RPS6KA2: variants seen among roughly 807,000 people sequenced by gnomAD.
The protein encoded by RPS6KA2 is ribosomal protein S6 kinase alpha-2.
In RPS6KA2, 42 loss-of-function variants were observed where a neutral mutation model predicts 91.8. The ratio of observed to expected loss-of-function variants is 0.46; its 90% CI spans 0.36 to 0.59. The LOEUF (loss-of-function observed/expected upper bound fraction) is 0.59, where lower values mean the gene tolerates loss of function less well. Among genes scored for constraint, RPS6KA2 ranks in the 20% least tolerant of loss-of-function variants. The pLI, the probability that RPS6KA2 is intolerant of heterozygous loss-of-function variation, is 0.00. For missense variants in RPS6KA2, 798 were observed against 978.5 expected, an observed-to-expected ratio of 0.82 and a Z score of 2.46; for synonymous variants, 414 against 393.6, an observed-to-expected ratio of 1.05 and a Z score of -0.61.
intron 2 of RPS6KA2, among the ~76,000 whole-genome samples, chr6:166,682,687 G>T (rs569181967): frequency 1.2e-4 from 18 of 152,310 alleles, no homozygotes; most frequent in Non-Finnish European, 2.1e-4. Flanking sequence ...AGAAAGCAAG[G>T]ATTGCTTCAT....
intron 2 of RPS6KA2, among the ~76,000 whole-genome samples, chr6:166,736,085 C>T (rs1226032157): frequency 6.6e-6 from 1 of 152,186 alleles, no homozygotes; most frequent in East Asian, 1.9e-4. Context: ...TATTTATCAC[C>T]TAAGTAAGGC....
At chr6:166,599,525 A>T (rs145028785) in intron 1 of RPS6KA2, among the ~76,000 whole-genome samples, 1 of 152,326 alleles carries the variant, frequency 6.6e-6, no homozygotes, top group Non-Finnish European at 1.5e-5. Context: ...GGCTAGCTCC[A>T]TTCAGCCTTC....
chr6:166,570,935 C>A (rs1403716706), intron 1 of RPS6KA2, among the ~76,000 whole-genome samples: 5 of 152,102 alleles, frequency 3.3e-5, no homozygotes, highest in South Asian at 4.2e-4. Context: ...TTTTAAGAGG[C>A]CTTTTTAGGA....
At chr6:166,478,201 C>G (rs1480538304) in intron 10 of RPS6KA2, among the ~76,000 whole-genome samples, 1 of 152,186 alleles carries the variant, frequency 6.6e-6, no homozygotes, top group African/African-American at 2.4e-5. Context: ...GGTCGCGGTG[C>G]CTGCCACCTG....
intron 11 of RPS6KA2, 36 bp downstream of exon 11, chr6:166,469,805 C>A: frequency 6.4e-7 from 1 of 1,572,020 alleles, no homozygotes; most frequent in Non-Finnish European, 8.8e-7. Context: ...TTCTGTGTCA[C>A]GCGTGTGCAG....
chr6:166,812,823 G>A (rs1385413892), intron 2 of RPS6KA2, among the ~76,000 whole-genome samples: 2 of 152,168 alleles, frequency 1.3e-5, no homozygotes, highest in Non-Finnish European at 2.9e-5. Context: ...CCACATCACT[G>A]AGAAATATGT....
Position 166,500,946 on chromosome 6 carries a change from C to A in RPS6KA2, c.567-22G>T. The A allele has an allele frequency of 6.2e-7, 1 of 1,612,354 alleles. No individual in the cohort carries two copies. On this transcript the variant is annotated intron_variant, in intron 6 of 20. Transcript: ENST00000265678. This position sits in a 1 kb window ranked among gnomAD's most constrained non-coding sequence, Gnocchi z 4.3. ...GATGCTAAAAGAAAGGGAGAGAAAACAGATGCTTTAGAAAGAGACCCAGCC... is the reference window on the plus strand; with the variant it reads ...GATGCTAAAAGAAAGGGAGAGAAAAAAGATGCTTTAGAAAGAGACCCAGCC...
chr6:166,701,193 C>G, intron 2 of RPS6KA2: 1 of 1,612,186 alleles, frequency 6.2e-7, no homozygotes, highest in Non-Finnish European at 8.5e-7. Flanking sequence ...TCTGGGCAAC[C>G]TGGCAAGCAT....
At position 166,498,615 on chromosome 6, in the gene RPS6KA2, TGTC is replaced by T. The variant is rs757335153; in HGVS notation, c.637_639del (p.Asp213del). On this transcript the variant is annotated inframe_deletion, in exon 8 of 21. Transcript: ENST00000265678. ...GTCCCGCAGAAGGAGTACGCTCTCT[TGTC>T]GTGGTCAATGGCCTCCTTACTCAGG... 1 of 1,613,792 alleles carries T rather than the reference TGTC, an allele frequency of 6.2e-7. No individual in the cohort carries two copies. The highest frequency in any genetic ancestry group is 1.3e-5 in the African/African-American group (1 of 74,896).
In RPS6KA2 at chr6:166,603,700, G is replaced by C. The variant is rs1785836115; in HGVS notation, c.99+23221C>G. On this transcript the variant is annotated intron_variant, in intron 1 of 20. Coordinates refer to ENST00000265678, the MANE Select transcript of RPS6KA2 (RefSeq NM_021135.6). The surrounding 1 kb of genome is among the most constrained non-coding windows in gnomAD (Gnocchi z 4.3). ...TCCGGGTGATCTAAGGCTCAAGTTA[G>C]ACAAAGTTAACAGGCACAGGAAGGA... is the stretch of plus-strand genomic sequence containing the variant. 6.6e-6 allele frequency among the ~76,000 whole-genome samples: 1 copy of C among 152,190 alleles called. No individual in the cohort carries two copies. The highest frequency in any genetic ancestry group is 2.4e-5 in the African/African-American group (1 of 41,452).
intron 2 of RPS6KA2, among the ~76,000 whole-genome samples, chr6:166,664,244 T>G (rs948685566): frequency 6.8e-6 from 1 of 147,258 alleles, no homozygotes; most frequent in African/African-American, 2.6e-5. Flanking sequence ...CCACTCTAAG[T>G]GAACCTTGGC....
chr6:166,479,833 C>T (rs742112), intron 10 of RPS6KA2, among the ~76,000 whole-genome samples: 45,586 of 151,868 alleles, frequency 0.3, 7,076 homozygotes, highest in East Asian at 0.54. Context: ...CCCTTGCTTC[C>T]AAAAACACAA....
chr6:166,429,919 C>T (rs575204503), intron 16 of RPS6KA2, among the ~76,000 whole-genome samples: 5 of 151,718 alleles, frequency 3.3e-5, no homozygotes, highest in South Asian at 2.1e-4. Context: ...GGGCCTCCAC[C>T]GAAGAACTAA....
At chr6:166,420,038 T>A in intron 17 of RPS6KA2, 80 bp from the exon 18 acceptor site, 1 of 1,355,028 alleles carries the variant, frequency 7.4e-7, no homozygotes, top group South Asian at 1.2e-5. Context: ...AGCGGCATCC[T>A]ACGCCGGCAA....
chr6:166,805,784 G>A (rs1027328019), intron 2 of RPS6KA2, among the ~76,000 whole-genome samples: 2 of 152,032 alleles, frequency 1.3e-5, no homozygotes, highest in African/African-American at 4.8e-5. Context: ...ACCAAAAACT[G>A]TCCCTGAAAA....
At chr6:166,515,702 T>C (rs17505698) in intron 3 of RPS6KA2, among the ~76,000 whole-genome samples, 19,198 of 152,198 alleles carry the variant, frequency 0.13, 1,554 homozygotes, top group South Asian at 0.26. Flanking sequence ...GGGAAAATGT[T>C]ACAAAGAATG....
intron 1 of RPS6KA2, among the ~76,000 whole-genome samples, chr6:166,543,586 G>T (rs1185704926): frequency 1.3e-5 from 2 of 152,058 alleles, no homozygotes; most frequent in African/African-American, 4.8e-5. Flanking sequence ...ACTCCCCTGG[G>T]TTCGCTCCCA....
chr6:166,651,264 T>C (rs1259273012), intron 2 of RPS6KA2, among the ~76,000 whole-genome samples: 1 of 152,374 alleles, frequency 6.6e-6, no homozygotes, highest in South Asian at 2.1e-4. Flanking sequence ...TCTGCAAGCA[T>C]TTGTACAATT....
intron 2 of RPS6KA2, among the ~76,000 whole-genome samples, chr6:166,788,086 C>G (rs1174525501): frequency 6.6e-6 from 1 of 151,638 alleles, no homozygotes; most frequent in African/African-American, 2.4e-5. Flanking sequence ...AAAAGCTCAT[C>G]ATCACTGATC....
Sources: gnomAD v4.1 joint callset for allele counts (sites outside exome capture counted in the v4.1 genomes callset) on GRCh38, gnomAD v4.1.1 for gene constraint, Gnocchi (gnomAD v3.1) non-coding constraint, MANE v1.5 for transcripts, NCBI Gene and HGNC (gene_info 2026-07-23, HGNC 2026-07-21) for gene names.